The following ADNP2 variants were observed in gnomAD, a reference collection of about 807,000 sequenced individuals.
The protein encoded by ADNP2 is activity-dependent neuroprotector homeobox protein 2.
ADNP2 carries 8 observed loss-of-function variants against 16.4 expected under a neutral mutation model. That is an observed-to-expected ratio of 0.49 (90% CI 0.29 to 0.88). ADNP2 has a LOEUF of 0.88. Ranked by LOEUF, ADNP2 falls within the 40% of genes least tolerant of loss-of-function variation. The pLI, the probability that ADNP2 is intolerant of heterozygous loss-of-function variation, is 0.09. For synonymous variants in ADNP2, 637 were observed against 545.8 expected (o/e 1.17, Z -2.33); for missense variants, 1,397 against 1,395.1 (o/e 1.00, Z -0.02).
chr18:80,129,855 T>A (rs1425766061), intron 2 of ADNP2, among the ~76,000 whole-genome samples: 1 of 152,208 alleles, frequency 6.6e-6, no homozygotes, highest in Non-Finnish European at 1.5e-5. Flanking sequence ...TTGCTGTGAA[T>A]GAGGTGTTTC....
At chr18:80,112,886 G>A (rs2052366645) in intron 1 of ADNP2, among the ~76,000 whole-genome samples, 1 of 152,184 alleles carries the variant, frequency 6.6e-6, no homozygotes, top group Admixed American at 6.5e-5. Context: ...AGATACATAT[G>A]GATGATGGTC....
chr18:80,132,684 T>A (rs1274890923), intron 2 of ADNP2, among the ~76,000 whole-genome samples: 1 of 144,946 alleles, frequency 6.9e-6, no homozygotes, highest in Admixed American at 7.0e-5. Context: ...TCCTCCCCTC[T>A]CTCCTCTCCC....
intron 1 of ADNP2, among the ~76,000 whole-genome samples, chr18:80,110,515 G>T (rs1427628698): frequency 6.6e-6 from 1 of 152,110 alleles, no homozygotes; most frequent in South Asian, 2.1e-4. Context: ...CATCTGCCAC[G>T]CAGAGCCTTT....
At position 80,138,558 on chromosome 18, in the gene ADNP2, C is replaced by A; in HGVS notation, c.3145C>A (p.Arg1049Ser). ...ATTAGATCCTAAAAAATATGAAGGC[C>A]GTTCTTATGAAGAAAAGAAGCAATT... ...LALDPKKYEG[R>S]SYEEKKQFLK... Residue 1049 changes from arginine to serine, a missense_variant, in exon 4 of 4, where the codon CGT becomes AGT. Coordinates refer to ENST00000262198, the MANE Select transcript of ADNP2 (RefSeq NM_014913.4). 6.2e-7 allele frequency: 1 copy of A among 1,611,088 alleles called. No homozygotes were observed. Among genetic ancestry groups the A allele is most frequent in the Non-Finnish European group, 8.5e-7 (1 of 1,179,388 alleles).
chr18:80,138,405 C>T lies in ADNP2; in HGVS notation c.2992C>T (p.Pro998Ser), dbSNP rs1568417231. 6.2e-7 allele frequency: 1 copy of T among 1,614,038 alleles called. No individual in the cohort carries two copies. The highest frequency in any genetic ancestry group is 1.1e-5 in the South Asian group (1 of 91,076). ...CCAGCGGCATGGGGAGGAGCAGCCT[C>T]CCATCCTAAATGCCGATGCAGCCCC... ...EDQRHGEEQP[P>S]ILNADAAPGP... The change falls in exon 4 of 4, where the codon CCC becomes TCC. Residue 998 changes from proline (P) to serine (S), a missense_variant. By Grantham distance (74) the Pro-to-Ser change is moderately conservative. Coordinates refer to ENST00000262198, the MANE Select transcript of ADNP2 (RefSeq NM_014913.4).
At position 80,137,476 on chromosome 18, in the gene ADNP2, A is replaced by G. The variant is rs942590352; in HGVS notation, c.2063A>G (p.Lys688Arg). Residue 688 changes from lysine (K) to arginine (R), a missense_variant, in exon 4 of 4, where the codon AAA becomes AGA. Coordinates refer to ENST00000262198, the MANE Select transcript of ADNP2 (RefSeq NM_014913.4). This position sits in a 1 kb window ranked among gnomAD's most constrained non-coding sequence, Gnocchi z 4.2. ...GCAGCAGACACAAACCAGGTGCTCA[A>G]ACAGGCCAAGCAGTGGAAGACCTGC... ...SSAADTNQVL[K>R]QAKQWKTCPV... The G allele has an allele frequency of 9.3e-6, 15 of 1,614,098 alleles. No individual in the cohort carries two copies. The East Asian group carries it at 1.1e-4, about 12-fold the overall frequency.
At chr18:80,129,436 C>T (rs1004367438) in intron 2 of ADNP2, among the ~76,000 whole-genome samples, 1 of 152,064 alleles carries the variant, frequency 6.6e-6, no homozygotes, top group Non-Finnish European at 1.5e-5. Context: ...TTTATGTAAG[C>T]CAGGATTTGT....
rs2052419704 is a variant in ADNP2, at chr18:80,120,805, C to T, written c.108+3155C>T. On this transcript the variant is annotated intron_variant, in intron 2 of 3. Coordinates refer to ENST00000262198, the MANE Select transcript of ADNP2 (RefSeq NM_014913.4). ...GAGTAGCTGGGATTACAGGCACGTACCACCAAGTCCAACTAATTTTTGTAT... is the reference window on the plus strand; with the variant it reads ...GAGTAGCTGGGATTACAGGCACGTATCACCAAGTCCAACTAATTTTTGTAT... Among the ~76,000 whole-genome samples, 7 of 152,124 alleles carry T rather than the reference C, an allele frequency of 4.6e-5. No homozygotes were observed. The South Asian group carries it at 1.4e-3, about 32-fold the overall frequency.
Position 80,137,710 on chromosome 18 carries a change from T to A in ADNP2, c.2297T>A (p.Leu766Gln), listed in dbSNP as rs1330467212. The A allele has an allele frequency of 6.2e-7, 1 of 1,614,236 alleles. No individual in the cohort carries two copies. Among genetic ancestry groups the A allele is most frequent in the Non-Finnish European group, 8.5e-7 (1 of 1,180,034 alleles). Reference protein sequence around the residue: ...VSEEELIHHLLMHGLGCLFCP... With the variant: ...VSEEELIHHLQMHGLGCLFCP... ...GAGGAAGAGCTTATACACCACTTGC[T>A]GATGCATGGCTTGGGGTGCTTGTTC... The change falls in exon 4 of 4, where the codon CTG becomes CAG. Residue 766 changes from leucine (L) to glutamine (Q), a missense_variant. By Grantham distance (113) the Leu-to-Gln change is moderately radical. Around this residue, in one of 3 missense-constraint regions of ADNP2, gnomAD observed 611 missense variants for 648.7 expected, o/e 0.94. Transcript: ENST00000262198. This position sits in a 1 kb window ranked among gnomAD's most constrained non-coding sequence, Gnocchi z 4.2.
At chr18:80,134,001 C>T (rs571824802) in intron 3 of ADNP2, among the ~76,000 whole-genome samples, 1 of 152,098 alleles carries the variant, frequency 6.6e-6, no homozygotes, top group African/African-American at 2.4e-5. Context: ...CCCAGATAAG[C>T]ATTTTTATTT....
chr18:80,119,909 C>T (rs2052413632), intron 2 of ADNP2, among the ~76,000 whole-genome samples: 1 of 152,164 alleles, frequency 6.6e-6, no homozygotes, highest in Admixed American at 6.5e-5. Context: ...ATTCAACCAC[C>T]TCCCCCCCAA....
At chr18:80,111,117 A>G (rs975284658) in intron 1 of ADNP2, among the ~76,000 whole-genome samples, 6 of 152,192 alleles carry the variant, frequency 3.9e-5, no homozygotes, top group East Asian at 1.9e-4. Context: ...TGTTAGGGCA[A>G]TGTGTTACAT....
In ADNP2 at chr18:80,136,650, C is replaced by G; in HGVS notation, c.1237C>G (p.Pro413Ala). Residue 413 changes from proline to alanine, a missense_variant, in exon 4 of 4, where the codon CCT (proline) becomes GCT (alanine). Pro to Ala is a conservative substitution (Grantham distance 27). This residue lies in a region of ADNP2 where 777 missense variants were observed against 719.4 expected (regional missense o/e 1.08). Transcript: ENST00000262198. ...LTQPVGPINR[P>A]VGPGVLPVSP... is the part of the protein sequence containing the mutation. The stretch of plus-strand genomic sequence containing the variant: ...CCAGCCTGTGGGACCCATAAACAGA[C>G]CTGTTGGGCCTGGTGTTCTTCCTGT... 6.2e-7 allele frequency: 1 copy of G among 1,613,790 alleles called. No homozygotes were observed. The highest frequency in any genetic ancestry group is 8.5e-7 in the Non-Finnish European group (1 of 1,179,762).
chr18:80,126,601 T>C (rs533697263), intron 2 of ADNP2, among the ~76,000 whole-genome samples: 2 of 152,342 alleles, frequency 1.3e-5, no homozygotes, highest in South Asian at 4.1e-4. Flanking sequence ...TGGCATTTTT[T>C]CCAACAATAT....
intron 2 of ADNP2, among the ~76,000 whole-genome samples, chr18:80,123,840 C>T (rs1274687127): frequency 1.3e-5 from 2 of 152,240 alleles, no homozygotes; most frequent in African/African-American, 4.8e-5. Context: ...AGCCATTCTC[C>T]TGCCTCAGCC....
chr18:80,133,143 A>C lies in ADNP2; in HGVS notation c.149A>C (p.Asn50Thr). ...GATCCAGGAGAGAAATACTTTCATA[A>C]CACATCATGGGGTGATGTTTCTCTC... ...GFDPGEKYFH[N>T]TSWGDVSLWE... Residue 50 changes from asparagine to threonine, a missense_variant, in exon 3 of 4, where the codon AAC becomes ACC. Physicochemically the swap from Asn to Thr is moderately conservative, Grantham distance 65. Transcript: ENST00000262198. 6.2e-7 allele frequency: 1 copy of C among 1,612,870 alleles called. No individual in the cohort carries two copies. The highest frequency in any genetic ancestry group is 1.1e-5 in the South Asian group (1 of 90,710).
chr18:80,137,378 C>T lies in ADNP2; in HGVS notation c.1965C>T (p.Ser655=). 6.2e-7 allele frequency: 1 copy of T among 1,614,192 alleles called. No individual in the cohort carries two copies. The highest frequency in any genetic ancestry group is 8.5e-7 in the Non-Finnish European group (1 of 1,180,048). Residue 655 remains serine (S), a synonymous_variant, in exon 4 of 4, where the codon TCC becomes TCT. Transcript: ENST00000262198. This position sits in a 1 kb window ranked among gnomAD's most constrained non-coding sequence, Gnocchi z 4.2. ...PSGAAAPMAG[S]MPGMPSPPVL... ...GTGCAGCTGCACCAATGGCCGGTTCCATGCCCGGCATGCCCTCTCCTCCAG... is the reference window on the plus strand; with the variant it reads ...GTGCAGCTGCACCAATGGCCGGTTCTATGCCCGGCATGCCCTCTCCTCCAG...
rs1203107593 is a variant in ADNP2 at position 80,133,207 on chromosome 18, C to T, written c.198+15C>T. Reference sequence around the variant, plus strand: ...GAAAGAAAGTGGTATGTATTTTTTGCATTTGTTTTTCATGTTTCCTCAAAA... The same window carrying T: ...GAAAGAAAGTGGTATGTATTTTTTGTATTTGTTTTTCATGTTTCCTCAAAA... On this transcript the variant is annotated intron_variant, in intron 3 of 3. Coordinates refer to ENST00000262198, the MANE Select transcript of ADNP2 (RefSeq NM_014913.4). The T allele has an allele frequency of 1.3e-6, 2 of 1,597,168 alleles. No individual in the cohort carries two copies. The highest frequency in any genetic ancestry group is 1.7e-5 in the Admixed American group (1 of 59,970).
At chr18:80,112,436 A>C (rs2052363560) in intron 1 of ADNP2, among the ~76,000 whole-genome samples, 1 of 151,780 alleles carries the variant, frequency 6.6e-6, no homozygotes, top group African/African-American at 2.4e-5. Context: ...TGCTAAACAA[A>C]AAAAAAAAGG....
Sources: gnomAD v4.1 joint callset for allele counts (sites outside exome capture counted in the v4.1 genomes callset) on GRCh38, gnomAD v4.1.1 for gene constraint, gnomAD v4.1.1 regional missense constraint, Gnocchi (gnomAD v3.1) non-coding constraint, MANE v1.5 for transcripts, NCBI Gene and HGNC (gene_info 2026-07-23, HGNC 2026-07-21) for gene names.